The following LRRC4C variants were observed in gnomAD, a reference collection of about 807,000 sequenced individuals.
The protein encoded by LRRC4C is leucine rich repeat containing 4C.
LRRC4C carries 5 observed loss-of-function variants against 33.6 expected under a neutral mutation model. That is an observed-to-expected ratio of 0.15 (90% CI 0.08 to 0.31). LRRC4C has a LOEUF of 0.31. LRRC4C is among the 10% of genes least tolerant of loss of function. The pLI, the probability that LRRC4C is intolerant of heterozygous loss-of-function variation, is 1.00. For missense variants in LRRC4C, 560 were observed against 796.7 expected, an observed-to-expected ratio of 0.70 and a Z score of 3.58; for synonymous variants, 329 against 302.0, an observed-to-expected ratio of 1.09 and a Z score of -0.93.
intron 2 of LRRC4C, among the ~76,000 whole-genome samples, chr11:40,708,618 G>T (rs980784411): frequency 3.9e-5 from 6 of 152,182 alleles, no homozygotes; most frequent in Admixed American, 2.0e-4. Context: ...TTGCTGATGA[G>T]TGCTTTACTT....
intron 1 of LRRC4C, among the ~76,000 whole-genome samples, chr11:41,169,921 G>A (rs560790284): frequency 6.6e-6 from 1 of 152,060 alleles, no homozygotes; most frequent in Non-Finnish European, 1.5e-5. Context: ...CCTTTACATG[G>A]CTAAAATGTT....
intron 5 of LRRC4C, among the ~76,000 whole-genome samples, chr11:40,179,851 C>T (rs1000165485): frequency 4.6e-5 from 7 of 152,132 alleles, no homozygotes; most frequent in Middle Eastern, 6.3e-3. Context: ...TCTTTTTAGT[C>T]GCATCTGGTT....
chr11:40,841,590 G>C (rs781198021), intron 2 of LRRC4C, among the ~76,000 whole-genome samples: 1 of 152,164 alleles, frequency 6.6e-6, no homozygotes, highest in Non-Finnish European at 1.5e-5. Flanking sequence ...GTAAGCCAGG[G>C]AGAGAGCCCT....
At chr11:41,144,862 A>G (rs1943661092) in intron 1 of LRRC4C, among the ~76,000 whole-genome samples, 1 of 152,186 alleles carries the variant, frequency 6.6e-6, no homozygotes, top group African/African-American at 2.4e-5. Context: ...TTTTTAAAAA[A>G]TGCACATATT....
intron 2 of LRRC4C, among the ~76,000 whole-genome samples, chr11:40,825,143 C>T (rs917829508): frequency 6.6e-6 from 1 of 151,906 alleles, no homozygotes; most frequent in African/African-American, 2.4e-5. Flanking sequence ...AAAGAGAAAA[C>T]GAGACTCAGG....
chr11:40,875,999 G>T (rs1180958221), intron 2 of LRRC4C, among the ~76,000 whole-genome samples: 1 of 152,080 alleles, frequency 6.6e-6, no homozygotes, highest in Non-Finnish European at 1.5e-5. Flanking sequence ...CGTTTTGGTT[G>T]CTGTCACTGT....
At chr11:40,917,657 G>A (rs879380273) in intron 2 of LRRC4C, among the ~76,000 whole-genome samples, 2 of 152,134 alleles carry the variant, frequency 1.3e-5, no homozygotes, top group Non-Finnish European at 2.9e-5. Flanking sequence ...TGTAAAGTTA[G>A]TGAGGCTTAC....
chr11:40,936,152 A>T (rs1413819283), intron 1 of LRRC4C, among the ~76,000 whole-genome samples: 1 of 144,368 alleles, frequency 6.9e-6, no homozygotes, highest in Non-Finnish European at 1.5e-5. Flanking sequence ...TATTATAATT[A>T]ATTTGTGGTG....
intron 3 of LRRC4C, among the ~76,000 whole-genome samples, chr11:40,394,666 C>T (rs1231570858): frequency 6.6e-6 from 1 of 152,084 alleles, no homozygotes; most frequent in South Asian, 2.1e-4. Flanking sequence ...TCATGGTTCA[C>T]GCTCTTGACT....
At chr11:40,541,260 C>A (rs776839012) in intron 3 of LRRC4C, among the ~76,000 whole-genome samples, 1 of 152,104 alleles carries the variant, frequency 6.6e-6, no homozygotes, top group Non-Finnish European at 1.5e-5. Flanking sequence ...TAGCTTACTA[C>A]AGCCTCAAAC....
chr11:41,412,552 T>C (rs1591462926), intron 1 of LRRC4C, among the ~76,000 whole-genome samples: 1 of 152,196 alleles, frequency 6.6e-6, no homozygotes, highest in African/African-American at 2.4e-5. Context: ...TAAATAAAAG[T>C]ATCACATCTT....
chr11:40,743,874 T>C (rs1948286364), intron 2 of LRRC4C, among the ~76,000 whole-genome samples: 1 of 152,130 alleles, frequency 6.6e-6, no homozygotes, highest in Non-Finnish European at 1.5e-5. Context: ...ATAGACGTGC[T>C]CTTGTTTTCC....
intron 5 of LRRC4C, among the ~76,000 whole-genome samples, chr11:40,207,644 C>A (rs564423113): frequency 2.8e-4 from 43 of 152,230 alleles, no homozygotes; most frequent in African/African-American, 9.9e-4. Flanking sequence ...GCAAGAGATA[C>A]TTTTCTGATG....
At chr11:41,410,761 C>A (rs999537443) in intron 1 of LRRC4C, among the ~76,000 whole-genome samples, 3 of 151,992 alleles carry the variant, frequency 2.0e-5, no homozygotes, top group African/African-American at 7.3e-5. Flanking sequence ...TTTTATGGAA[C>A]AACACCCGTT....
chr11:40,360,110 A>G (rs1345300525), intron 3 of LRRC4C, among the ~76,000 whole-genome samples: 7 of 152,188 alleles, frequency 4.6e-5, no homozygotes, highest in Admixed American at 3.3e-4. Context: ...TATATGAAAA[A>G]AAATCTTTTG....
At chr11:41,231,616 G>A (rs1327203951) in intron 1 of LRRC4C, among the ~76,000 whole-genome samples, 1 of 136,754 alleles carries the variant, frequency 7.3e-6, no homozygotes, top group Non-Finnish European at 1.5e-5. Context: ...GGCCCCTTGT[G>A]GGGTGGGGGG....
At chr11:41,198,614 A>G (rs10768670) in intron 1 of LRRC4C, among the ~76,000 whole-genome samples, 92,174 of 151,530 alleles carry the variant, frequency 0.61, 30,729 homozygotes, top group South Asian at 0.79. Flanking sequence ...CAAGAAATAT[A>G]GAGGGGAGAG....
intron 3 of LRRC4C, among the ~76,000 whole-genome samples, chr11:40,331,926 T>C (rs761412133): frequency 6.6e-6 from 1 of 152,218 alleles, no homozygotes; most frequent in Non-Finnish European, 1.5e-5. Context: ...CCTGCGTACA[T>C]GTTCATTTAT....
At chr11:40,854,777 T>C (rs1157462488) in intron 2 of LRRC4C, among the ~76,000 whole-genome samples, 1 of 151,216 alleles carries the variant, frequency 6.6e-6, no homozygotes, top group African/African-American at 2.4e-5. Flanking sequence ...TACACATATA[T>C]AATGTACATA....
Sources: allele counts gnomAD v4.1 joint callset (sites outside exome capture counted in the v4.1 genomes callset), GRCh38; gene constraint gnomAD v4.1.1; transcripts MANE v1.5; gene names NCBI Gene and HGNC (gene_info 2026-07-23, HGNC 2026-07-21).